The following VPS45 variants were observed in gnomAD, a reference collection of about 807,000 sequenced individuals.
VPS45 encodes the protein vacuolar protein sorting 45 homolog, also known as vacuolar protein sorting-associated protein 45.
Under a neutral mutation model 75.9 loss-of-function variants are expected in VPS45, and 35 were observed. The observed-to-expected ratio is 0.46, with a 90% CI of 0.35 to 0.61. The LOEUF is 0.61. Among genes scored for constraint, VPS45 ranks in the 20% least tolerant of loss-of-function variants. The probability of loss-of-function intolerance (pLI) is 0.00; values close to 1 mark genes in which losing one functional copy is unlikely to be tolerated. For synonymous variants in VPS45, 220 were observed against 238.2 expected (o/e 0.92, Z 0.70); for missense variants, 559 against 685.9 (o/e 0.81, Z 2.07).
chr1:150,076,659 A>G (rs1456517602), intron 4 of VPS45: 2 of 550,532 alleles, frequency 3.6e-6, no homozygotes, highest in Non-Finnish European at 6.4e-6. Flanking sequence ...AAGTATGCAT[A>G]GAGGTCTCCA....
At chr1:150,092,956 C>T (rs1197527187) in intron 12 of VPS45, among the ~76,000 whole-genome samples, 1 of 146,876 alleles carries the variant, frequency 6.8e-6, no homozygotes, top group Non-Finnish European at 1.5e-5. Context: ...CATTCTCCTG[C>T]CTCAGCCTCT....
intron 10 of VPS45, among the ~76,000 whole-genome samples, chr1:150,087,413 G>GA (rs1656074790): frequency 6.6e-6 from 1 of 152,082 alleles, no homozygotes; most frequent in African/African-American, 2.4e-5. Flanking sequence ...CAAGGCTGAT[G>GA]GAAAATTTAA....
intron 14 of VPS45, among the ~76,000 whole-genome samples, chr1:150,141,256 A>G (rs1659378385): frequency 6.6e-6 from 1 of 152,020 alleles, no homozygotes; most frequent in Admixed American, 6.6e-5. Context: ...TGCTCCCCAC[A>G]AGTTCTATTT....
rs587695374 is a variant in VPS45, at chr1:150,071,692, A to G, written c.229-474A>G. 2.0e-4 allele frequency among the ~76,000 whole-genome samples: 31 copies of G among 151,948 alleles called. No homozygotes were observed. The South Asian group carries it at 5.0e-3, about 24-fold the overall frequency. On this transcript the variant is annotated intron_variant, in intron 2 of 14. Transcript: ENST00000644510. ...AATCTCAGCTACTTGGGAGGCTGAG[A>G]CAGGAGAATTGCTTGAACCCAGGAG...
chr1:150,073,009 C>T (rs1372449306), intron 3 of VPS45, among the ~76,000 whole-genome samples: 1 of 152,084 alleles, frequency 6.6e-6, no homozygotes, highest in Non-Finnish European at 1.5e-5. Context: ...AAGTATAAAT[C>T]ATCAGGTAGT....
chr1:150,077,620 T>C, intron 6 of VPS45, 49 bp from the exon 7 acceptor site: 1 of 1,259,736 alleles, frequency 7.9e-7, no homozygotes, highest in Non-Finnish European at 1.2e-6. Context: ...ATATCATTTC[T>C]ATATGTAACT....
chr1:150,129,951 A>C (rs1040822749), intron 14 of VPS45, among the ~76,000 whole-genome samples: 1 of 151,598 alleles, frequency 6.6e-6, no homozygotes, highest in African/African-American at 2.4e-5. Context: ...TCTTGGGCTC[A>C]AGCAGTCCTC....
At chr1:150,110,295 A>G (rs1657573414) in intron 13 of VPS45, 1 of 486,360 alleles carries the variant, frequency 2.1e-6, no homozygotes, top group Non-Finnish European at 3.6e-6. Flanking sequence ...AACAGAAAGC[A>G]AATCACTATT....
At chr1:150,089,796 C>T (rs781988889) in intron 10 of VPS45, among the ~76,000 whole-genome samples, 9 of 151,980 alleles carry the variant, frequency 5.9e-5, no homozygotes, top group African/African-American at 9.7e-5. Context: ...GGCTGTATTC[C>T]GTGGCTGCTC....
intron 7 of VPS45, among the ~76,000 whole-genome samples, chr1:150,080,462 G>A (rs1655646389): frequency 6.6e-6 from 1 of 152,068 alleles, no homozygotes; most frequent in Non-Finnish European, 1.5e-5. Flanking sequence ...CTTATTTTAA[G>A]TGCGACTTAA....
rs1224184808 is a variant in VPS45 at position 150,112,444 on chromosome 1, C to T, written c.1625+1817C>T. Among the ~76,000 whole-genome samples the T allele has an allele frequency of 4.6e-5, 7 of 152,244 alleles. No homozygotes were observed. The East Asian group carries it at 1.2e-3, about 25-fold the overall frequency. On this transcript the variant is annotated intron_variant, in intron 14 of 14. Transcript: ENST00000644510. Reference sequence around the variant, plus strand: ...ATACATATTTAACATGATATCTTTACAGTCTATCAGAATTTTAGTTTTGTG... The same window carrying T: ...ATACATATTTAACATGATATCTTTATAGTCTATCAGAATTTTAGTTTTGTG...
At chr1:150,124,275 G>A (rs1658387310) in intron 14 of VPS45, among the ~76,000 whole-genome samples, 1 of 151,932 alleles carries the variant, frequency 6.6e-6, no homozygotes, top group Non-Finnish European at 1.5e-5. Flanking sequence ...CCTGGCCAAC[G>A]TAGTGAAACC....
intron 14 of VPS45, among the ~76,000 whole-genome samples, chr1:150,125,929 AC>A: frequency 6.6e-6 from 1 of 151,816 alleles, no homozygotes; most frequent in African/African-American, 2.4e-5. Flanking sequence ...CTTGTGATCC[AC>A]CCGTCTCAGA....
intron 14 of VPS45, among the ~76,000 whole-genome samples, chr1:150,115,966 T>C (rs781838338): frequency 6.6e-6 from 1 of 152,216 alleles, no homozygotes; most frequent in Non-Finnish European, 1.5e-5. Flanking sequence ...GGTTCCCTTT[T>C]TGTGCTGACC....
intron 10 of VPS45, among the ~76,000 whole-genome samples, chr1:150,086,460 C>T (rs1480618470): frequency 9.2e-5 from 14 of 151,976 alleles, no homozygotes; most frequent in African/African-American, 3.4e-4. Flanking sequence ...CCTTGTATCT[C>T]TCTGATTTCA....
In VPS45 at chr1:150,144,774, C is replaced by T. The variant is rs1451589175; in HGVS notation, c.1691C>T (p.Ser564Leu). ...AGCAAGGAGAGCTCTCAAGTCACAT[C>T]AAGGTCAGCGAGCAGAAGATGAAAC... ...SRSKESSQVTSRSASRR is the reference protein window; with the variant it reads ...SRSKESSQVTLRSASRR Residue 564 changes from serine to leucine, a missense_variant, in exon 15 of 15, where the codon TCA becomes TTA. Coordinates refer to ENST00000644510, the MANE Select transcript of VPS45 (RefSeq NM_007259.5). The T allele has an allele frequency of 1.2e-6, 2 of 1,614,036 alleles. No homozygotes were observed. The highest frequency in any genetic ancestry group is 2.2e-5 in the East Asian group (1 of 44,898).
intron 14 of VPS45, among the ~76,000 whole-genome samples, chr1:150,127,223 T>G (rs1658564351): frequency 6.6e-6 from 1 of 152,204 alleles, no homozygotes. Flanking sequence ...TTTTACCTGT[T>G]TCATTTTACT....
intron 13 of VPS45, among the ~76,000 whole-genome samples, chr1:150,100,447 A>G (rs1235401850): frequency 1.3e-5 from 2 of 152,230 alleles, no homozygotes; most frequent in African/African-American, 4.8e-5. Flanking sequence ...CTATCTAACT[A>G]CCAATGACAT....
chr1:150,070,696 C>T (rs926593015), intron 2 of VPS45, among the ~76,000 whole-genome samples: 2 of 151,304 alleles, frequency 1.3e-5, no homozygotes, highest in Non-Finnish European at 2.9e-5. Flanking sequence ...GTAGTCCCAG[C>T]TACTAGGGAG....
Sources: allele counts gnomAD v4.1 joint callset (sites outside exome capture counted in the v4.1 genomes callset), GRCh38; gene constraint gnomAD v4.1.1; transcripts MANE v1.5; gene names NCBI Gene and HGNC (gene_info 2026-07-23, HGNC 2026-07-21).